The following MCTP1 variants were observed in gnomAD, a reference collection of about 807,000 sequenced individuals.
MCTP1 encodes the protein multiple C2 and transmembrane domain-containing protein 1.
A neutral mutation model predicts 120.6 loss-of-function variants in MCTP1; 69 were observed. The observed-to-expected ratio is 0.57, with a 90% CI of 0.47 to 0.70. MCTP1 has a LOEUF of 0.70. Among genes scored for constraint, MCTP1 ranks in the 30% least tolerant of loss-of-function variants. The probability of loss-of-function intolerance (pLI) is 0.00; values close to 1 mark genes in which losing one functional copy is unlikely to be tolerated. For synonymous variants in MCTP1, 529 were observed against 493.1 expected (o/e 1.07, Z -0.96); for missense variants, 1,203 against 1,248.8 (o/e 0.96, Z 0.55).
chr5:95,153,749 G>A (rs1034433636), intron 1 of MCTP1, among the ~76,000 whole-genome samples: 4 of 152,204 alleles, frequency 2.6e-5, no homozygotes, highest in Non-Finnish European at 5.9e-5. Flanking sequence ...AAGAAGTACT[G>A]AGACAGAATG....
intron 18 of MCTP1, among the ~76,000 whole-genome samples, chr5:94,791,625 A>G (rs1778991696): frequency 6.6e-6 from 1 of 152,258 alleles, no homozygotes; most frequent in Non-Finnish European, 1.5e-5. Context: ...TAGGTGAGCT[A>G]AAATGCGTTA....
chr5:95,118,911 G>T (rs1040213893), intron 1 of MCTP1, among the ~76,000 whole-genome samples: 8 of 152,188 alleles, frequency 5.3e-5, no homozygotes, highest in Non-Finnish European at 8.8e-5. Flanking sequence ...ACTAAAGAGA[G>T]AAATAGACTC....
intron 1 of MCTP1, among the ~76,000 whole-genome samples, chr5:95,237,824 T>C (rs1209752264): frequency 1.3e-5 from 2 of 152,124 alleles, no homozygotes; most frequent in East Asian, 1.9e-4. Flanking sequence ...AATGGGCAAT[T>C]GGCAAGCTGC....
chr5:94,786,755 A>G (rs1371714927), intron 18 of MCTP1, among the ~76,000 whole-genome samples: 1 of 150,258 alleles, frequency 6.7e-6, no homozygotes, highest in East Asian at 1.9e-4. Flanking sequence ...GGTAAGATTT[A>G]TGTTGATTTT....
rs149528859 is a variant in MCTP1 at position 95,070,297 on chromosome 5, G to A, written c.721-52813C>T. On this transcript the variant is annotated intron_variant, in intron 1 of 22. Transcript: ENST00000515393. ...AGGAGCTGCAGTGTTGCTGCTGGCA[G>A]TGTCCCTGCTTTCTGCAGCCTCAGC... is the stretch of plus-strand genomic sequence containing the variant. Among the ~76,000 whole-genome samples, 21 of 152,378 alleles carry A rather than the reference G, an allele frequency of 1.4e-4. No individual in the cohort carries two copies. The East Asian group carries it at 4.0e-3, about 29-fold the overall frequency.
chr5:95,040,249 A>G (rs1842105200), intron 1 of MCTP1, among the ~76,000 whole-genome samples: 1 of 152,112 alleles, frequency 6.6e-6, no homozygotes, highest in Non-Finnish European at 1.5e-5. Context: ...AAGCCTGGCC[A>G]ACATGGTGAA....
chr5:94,892,285 G>A (rs559700001), intron 11 of MCTP1, among the ~76,000 whole-genome samples: 7 of 152,256 alleles, frequency 4.6e-5, no homozygotes, highest in East Asian at 1.9e-4. Flanking sequence ...ATCGTCTCAC[G>A]GTGGACAATC....
At chr5:95,273,350 G>C (rs1419404265) in intron 1 of MCTP1, among the ~76,000 whole-genome samples, 1 of 152,184 alleles carries the variant, frequency 6.6e-6, no homozygotes, top group Non-Finnish European at 1.5e-5. Context: ...GCCATGCACA[G>C]ATCAGCCTTG....
chr5:95,073,970 G>T (rs1479219575), intron 1 of MCTP1, among the ~76,000 whole-genome samples: 1 of 152,142 alleles, frequency 6.6e-6, no homozygotes, highest in Non-Finnish European at 1.5e-5. Context: ...AAAAAATTTG[G>T]CCGGGCGTGG....
At chr5:94,810,749 A>G (rs952748147) in intron 17 of MCTP1, among the ~76,000 whole-genome samples, 1 of 152,060 alleles carries the variant, frequency 6.6e-6, no homozygotes, top group African/African-American at 2.4e-5. Context: ...CACTCAAATT[A>G]TTTCACTCAG....
At chr5:95,074,823 T>C (rs1400565373) in intron 1 of MCTP1, among the ~76,000 whole-genome samples, 12 of 152,358 alleles carry the variant, frequency 7.9e-5, no homozygotes, top group Non-Finnish European at 1.5e-5. Flanking sequence ...ATTTATGCTG[T>C]GCACAATTAA....
At position 94,772,075 on chromosome 5, in the gene MCTP1, T is replaced by C. The variant is rs6888115; in HGVS notation, c.2610+7035A>G. ...TGTTTTACTGATACCGTGCACCCTG[T>C]ACTTTCCCAGTGGGTACCAGCTGTT... On this transcript the variant is annotated intron_variant, in intron 19 of 22. Transcript: ENST00000515393. 9.8e-3 allele frequency among the ~76,000 whole-genome samples: 1,496 copies of C among 152,304 alleles called. 24 individuals carry two copies. The highest frequency in any genetic ancestry group is 0.034 in the African/African-American group (1,413 of 41,556).
chr5:94,951,262 T>C (rs1212728413), intron 3 of MCTP1, among the ~76,000 whole-genome samples: 2 of 152,204 alleles, frequency 1.3e-5, no homozygotes, highest in Admixed American at 6.5e-5. Flanking sequence ...TTGAGCCTAG[T>C]AAGACATTCC....
chr5:94,856,919 A>C (rs575789768), intron 17 of MCTP1, among the ~76,000 whole-genome samples: 3 of 151,750 alleles, frequency 2.0e-5, no homozygotes, highest in African/African-American at 7.2e-5. Context: ...CTAGTCCCTT[A>C]AAAGCAGAGA....
intron 1 of MCTP1, among the ~76,000 whole-genome samples, chr5:95,037,106 T>A (rs1841473525): frequency 6.6e-6 from 1 of 152,162 alleles, no homozygotes. Context: ...AAATCAGAAG[T>A]CCTCCACCTC....
At chr5:95,014,899 T>C (rs1049241523) in intron 2 of MCTP1, among the ~76,000 whole-genome samples, 2 of 152,056 alleles carry the variant, frequency 1.3e-5, no homozygotes, top group Non-Finnish European at 2.9e-5. Flanking sequence ...TTTTATGAAA[T>C]TGCCACAGCC....
rs554887788 is a variant in MCTP1, at chr5:95,183,025, C to CA, written c.720+100830dup. ...TGGGTGATAGAGCAAGACTCCGTCT[C>CA]AAAAAAAAAAAAAAAAAGAATATTA... is the stretch of plus-strand genomic sequence containing the variant. On this transcript the variant is annotated intron_variant, in intron 1 of 22. Coordinates refer to ENST00000515393, the MANE Select transcript of MCTP1 (RefSeq NM_024717.7). Among the ~76,000 whole-genome samples the CA allele has an allele frequency of 5.7e-3, 585 of 102,336 alleles. 3 individuals carry two copies. Among genetic ancestry groups the CA allele is most frequent in the East Asian group, 0.03 (75 of 2,528 alleles). 67.1% of individuals were successfully genotyped at this position (102,336 alleles called of 152,430 possible).
chr5:95,231,652 T>G (rs1013119082), intron 1 of MCTP1, among the ~76,000 whole-genome samples: 1 of 151,922 alleles, frequency 6.6e-6, no homozygotes, highest in African/African-American at 2.4e-5. Flanking sequence ...CAGATCTACA[T>G]AAAGGAATGA....
intron 1 of MCTP1, among the ~76,000 whole-genome samples, chr5:95,251,558 G>GTGGAGTT (rs975987117): frequency 5.9e-5 from 9 of 152,214 alleles, no homozygotes; most frequent in African/African-American, 1.9e-4. Context: ...CATGTGGATG[G>GTGGAGTT]TGGAGTTTAA....
Sources: allele counts gnomAD v4.1 joint callset (sites outside exome capture counted in the v4.1 genomes callset), GRCh38; gene constraint gnomAD v4.1.1; transcripts MANE v1.5; gene names NCBI Gene and HGNC (gene_info 2026-07-23, HGNC 2026-07-21).